Variants in TBC1D22A observed in about 807,000 individuals in gnomAD.
The protein encoded by TBC1D22A is TBC1 domain family member 22A.
TBC1D22A carries 38 observed loss-of-function variants against 60.2 expected under a neutral mutation model. The observed-to-expected ratio is 0.63, with a 90% CI of 0.49 to 0.83. TBC1D22A has a LOEUF of 0.83. Among genes scored for constraint, TBC1D22A ranks in the 40% least tolerant of loss-of-function variants. The probability of loss-of-function intolerance (pLI) is 0.00; values close to 1 mark genes in which losing one functional copy is unlikely to be tolerated. For synonymous variants in TBC1D22A, 302 were observed against 281.7 expected, an observed-to-expected ratio of 1.07 and a Z score of -0.72; for missense variants, 628 against 701.0, an observed-to-expected ratio of 0.90 and a Z score of 1.18.
At chr22:46,946,684 A>T (rs2072566986) in intron 8 of TBC1D22A, among the ~76,000 whole-genome samples, 1 of 152,122 alleles carries the variant, frequency 6.6e-6, no homozygotes, top group Non-Finnish European at 1.5e-5. Context: ...TTTCATTTTG[A>T]GGTGAGTCTG....
chr22:47,097,010 TGGC>T (rs1374375087), intron 11 of TBC1D22A, among the ~76,000 whole-genome samples: 1 of 152,246 alleles, frequency 6.6e-6, no homozygotes, highest in Non-Finnish European at 1.5e-5. Flanking sequence ...CTTTGCCTTC[TGGC>T]TGGCACTGCT....
chr22:46,940,118 A>G (rs1310484817), intron 8 of TBC1D22A, among the ~76,000 whole-genome samples: 1 of 152,228 alleles, frequency 6.6e-6, no homozygotes, highest in Non-Finnish European at 1.5e-5. Flanking sequence ...TCATCTATTA[A>G]GTGTGCAATA....
chr22:46,810,414 A>C (rs1424929365), intron 4 of TBC1D22A, among the ~76,000 whole-genome samples: 3 of 151,352 alleles, frequency 2.0e-5, no homozygotes, highest in Non-Finnish European at 4.4e-5. Flanking sequence ...ATGAAAACGT[A>C]ATAGTGTTAC....
chr22:47,150,851 C>T (rs934708875), intron 12 of TBC1D22A, among the ~76,000 whole-genome samples: 4 of 152,212 alleles, frequency 2.6e-5, no homozygotes, highest in Non-Finnish European at 5.9e-5. Flanking sequence ...AGCTAGAGAC[C>T]TCCGCCCCCA....
chr22:47,013,013 G>A (rs1453578918), intron 10 of TBC1D22A, among the ~76,000 whole-genome samples: 1 of 152,226 alleles, frequency 6.6e-6, no homozygotes, highest in Non-Finnish European at 1.5e-5. Context: ...CCGAGCTGGG[G>A]TGGACCGGGA....
At chr22:46,855,657 A>G (rs1025791097) in intron 4 of TBC1D22A, among the ~76,000 whole-genome samples, 1 of 152,150 alleles carries the variant, frequency 6.6e-6, no homozygotes, top group African/African-American at 2.4e-5. Flanking sequence ...GGTTCTAGAC[A>G]GAAGCGCTCT....
intron 8 of TBC1D22A, among the ~76,000 whole-genome samples, chr22:46,922,570 A>T (rs1366151501): frequency 6.6e-6 from 1 of 152,188 alleles, no homozygotes; most frequent in Non-Finnish European, 1.5e-5. Context: ...ATGAGCATAG[A>T]ATGGTTTTCC....
rs536764038 is a variant in TBC1D22A, at chr22:46,940,185, T to A, written c.1015+27997T>A. Among the ~76,000 whole-genome samples the A allele has an allele frequency of 1.8e-4, 27 of 152,334 alleles. No homozygotes were observed. The South Asian group carries it at 5.4e-3, about 30-fold the overall frequency. On this transcript the variant is annotated intron_variant, in intron 8 of 12. Transcript: ENST00000337137. ...TTTAAAATGCTTCCTTGCTAAAAAA[T>A]GCTGACACAAAGACACAAAGCATGT... is the stretch of plus-strand genomic sequence containing the variant.
At chr22:46,949,964 C>T (rs940869970) in intron 8 of TBC1D22A, among the ~76,000 whole-genome samples, 5 of 152,304 alleles carry the variant, frequency 3.3e-5, no homozygotes, top group Middle Eastern at 3.4e-3. Context: ...AGCAATGACC[C>T]CCATGGGGCC....
chr22:47,042,474 G>A (rs1478748885), intron 11 of TBC1D22A, among the ~76,000 whole-genome samples: 5 of 152,216 alleles, frequency 3.3e-5, no homozygotes, highest in Admixed American at 3.3e-4. Flanking sequence ...AAGATGATGC[G>A]GGGACATTGG....
chr22:46,944,539 C>T lies in TBC1D22A; in HGVS notation c.1016-29751C>T, dbSNP rs543959148. On this transcript the variant is annotated intron_variant, in intron 8 of 12. Transcript: ENST00000337137. ...TCAGCCTCCCAAGTAGCTGGGACTACAGGCGCCCGCCACCATGCCCGGCTA... is the reference window on the plus strand; with the variant it reads ...TCAGCCTCCCAAGTAGCTGGGACTATAGGCGCCCGCCACCATGCCCGGCTA... Among the ~76,000 whole-genome samples the T allele has an allele frequency of 2.0e-5, 3 of 152,162 alleles. No homozygotes were observed. The South Asian group carries it at 6.2e-4, about 32-fold the overall frequency.
rs181632703 is a variant in TBC1D22A at position 46,959,623 on chromosome 22, C to T, written c.1016-14667C>T. Among the ~76,000 whole-genome samples the T allele has an allele frequency of 1.1e-3, 167 of 152,276 alleles. 1 individual carries two copies. Among genetic ancestry groups the T allele is most frequent in the Admixed American group, 0.011 (166 of 15,308 alleles). ...TGTGCCGGTGGCCTCTCTGTCCCCT[C>T]CCCTGTCCTTCGGCTCGGTTCTGGT... On this transcript the variant is annotated intron_variant, in intron 8 of 12. Coordinates refer to ENST00000337137, the MANE Select transcript of TBC1D22A (RefSeq NM_014346.5).
chr22:46,996,256 G>A (rs908365585), intron 9 of TBC1D22A, among the ~76,000 whole-genome samples: 4 of 152,238 alleles, frequency 2.6e-5, no homozygotes, highest in Non-Finnish European at 5.9e-5. Flanking sequence ...ACTGAGGCCA[G>A]TGGCCTGCCT....
intron 10 of TBC1D22A, among the ~76,000 whole-genome samples, chr22:47,036,602 C>T (rs372114022): frequency 1.7e-4 from 26 of 152,188 alleles, no homozygotes; most frequent in African/African-American, 3.4e-4. Flanking sequence ...GCGCACTCAA[C>T]GGTTGGGTCC....
chr22:46,991,822 C>G (rs1352240419), intron 9 of TBC1D22A, among the ~76,000 whole-genome samples: 1 of 152,200 alleles, frequency 6.6e-6, no homozygotes, highest in African/African-American at 2.4e-5. Context: ...TGCTCGCTGC[C>G]CTCCAGCTGC....
chr22:46,999,774 C>T (rs1044557772), intron 10 of TBC1D22A, among the ~76,000 whole-genome samples: 17 of 152,228 alleles, frequency 1.1e-4, no homozygotes, highest in African/African-American at 3.9e-4. Context: ...GCCTGTAATC[C>T]CAGCACCTTG....
chr22:46,965,021 C>T lies in TBC1D22A; in HGVS notation c.1016-9269C>T, dbSNP rs566998511. Among the ~76,000 whole-genome samples the T allele has an allele frequency of 7.9e-5, 12 of 152,314 alleles. No individual in the cohort carries two copies. The South Asian group carries it at 1.9e-3, about 24-fold the overall frequency. On this transcript the variant is annotated intron_variant, in intron 8 of 12. Transcript: ENST00000337137. ...GGGGCCGAGCGTCAGAGTGATTTAT[C>T]GAAGACCAAGGATTGATGAGGAAAG...
chr22:47,003,615 C>T (rs2061471555), intron 10 of TBC1D22A, among the ~76,000 whole-genome samples: 2 of 146,298 alleles, frequency 1.4e-5, no homozygotes, highest in African/African-American at 5.1e-5. Context: ...TCTATACACA[C>T]ACCCACCAGA....
At chr22:46,876,303 G>A (rs917694957) in intron 4 of TBC1D22A, among the ~76,000 whole-genome samples, 1 of 152,052 alleles carries the variant, frequency 6.6e-6, no homozygotes, top group Non-Finnish European at 1.5e-5. Context: ...CTTCATATCC[G>A]CACAAAAAGA....
Sources: gnomAD v4.1 joint callset for allele counts (sites outside exome capture counted in the v4.1 genomes callset) on GRCh38, gnomAD v4.1.1 for gene constraint, MANE v1.5 for transcripts, NCBI Gene and HGNC (gene_info 2026-07-23, HGNC 2026-07-21) for gene names.